LRRC40: variants seen among roughly 807,000 people sequenced by gnomAD.
LRRC40 encodes the protein leucine-rich repeat-containing protein 40.
Under a neutral mutation model 72.8 loss-of-function variants are expected in LRRC40, and 76 were observed. The ratio of observed to expected loss-of-function variants is 1.04; its 90% CI spans 0.87 to 1.26. LRRC40 has a LOEUF of 1.26. Among genes scored for constraint, LRRC40 ranks in the 50% most tolerant of loss-of-function variants. The pLI, the probability that LRRC40 is intolerant of heterozygous loss-of-function variation, is 0.00. For missense variants in LRRC40, 684 were observed against 698.9 expected (o/e 0.98, Z 0.24); for synonymous variants, 243 against 254.2 (o/e 0.96, Z 0.42).
chr1:70,196,762 C>T (rs1668620813), intron 1 of LRRC40, among the ~76,000 whole-genome samples: 1 of 152,028 alleles, frequency 6.6e-6, no homozygotes, highest in South Asian at 2.1e-4. Context: ...CAAAGGGGCA[C>T]AAGTAAACTT....
chr1:70,157,325 T>C (rs747080310), intron 10 of LRRC40, among the ~76,000 whole-genome samples: 10 of 152,228 alleles, frequency 6.6e-5, no homozygotes, highest in Non-Finnish European at 1.2e-4. Context: ...AAAAGATTCA[T>C]GCTATTTAAA....
At chr1:70,185,743 T>G (rs538487839) in intron 3 of LRRC40, among the ~76,000 whole-genome samples, 4 of 152,340 alleles carry the variant, frequency 2.6e-5, no homozygotes, top group African/African-American at 9.6e-5. Context: ...TTGAATGTAA[T>G]ATGGAATTCC....
chr1:70,195,747 C>T (rs1043292847), intron 1 of LRRC40, among the ~76,000 whole-genome samples: 5 of 152,194 alleles, frequency 3.3e-5, no homozygotes, highest in African/African-American at 1.2e-4. Context: ...GATTCTCTGC[C>T]TCAGCCTCCC....
At chr1:70,185,743 T>C (rs538487839) in intron 3 of LRRC40, among the ~76,000 whole-genome samples, 1 of 152,222 alleles carries the variant, frequency 6.6e-6, no homozygotes, top group Non-Finnish European at 1.5e-5. Context: ...TTGAATGTAA[T>C]ATGGAATTCC....
At chr1:70,202,725 A>G (rs960674433) in intron 1 of LRRC40, among the ~76,000 whole-genome samples, 1 of 152,240 alleles carries the variant, frequency 6.6e-6, no homozygotes, top group African/African-American at 2.4e-5. Context: ...CATCAATTAT[A>G]ATAAATGTAC....
At chr1:70,152,096 T>C (rs1571434508) in intron 12 of LRRC40, among the ~76,000 whole-genome samples, 1 of 152,146 alleles carries the variant, frequency 6.6e-6, no homozygotes, top group African/African-American at 2.4e-5. Context: ...GCTGGTTTTA[T>C]ACTATTTACT....
chr1:70,178,666 A>AT (rs1469574499), intron 6 of LRRC40, among the ~76,000 whole-genome samples, 185 bp downstream of exon 6: 6 of 152,178 alleles, frequency 3.9e-5, no homozygotes, highest in African/African-American at 1.4e-4. Flanking sequence ...TAAAAAATGT[A>AT]TTACTAAAAA....
intron 1 of LRRC40, among the ~76,000 whole-genome samples, chr1:70,197,591 G>A (rs534594314): frequency 1.5e-4 from 21 of 142,876 alleles, no homozygotes; most frequent in Non-Finnish European, 2.4e-4. Context: ...CCCAACCCCC[G>A]GCTTTTTTTT....
intron 7 of LRRC40, 49 bp downstream of exon 7, chr1:70,175,761 T>C (rs1229753404): frequency 7.6e-7 from 1 of 1,311,330 alleles, no homozygotes; most frequent in Non-Finnish European, 1.0e-6. Flanking sequence ...AATTATGAAT[T>C]ATAACCAAAT....
intron 1 of LRRC40, among the ~76,000 whole-genome samples, chr1:70,198,931 G>T (rs567102807): frequency 3.9e-4 from 59 of 152,024 alleles, no homozygotes; most frequent in African/African-American, 1.4e-3. Flanking sequence ...TGGACAGGTC[G>T]CTTGAGCTCA....
At chr1:70,195,751 G>A (rs1381816880) in intron 1 of LRRC40, among the ~76,000 whole-genome samples, 1 of 152,160 alleles carries the variant, frequency 6.6e-6, no homozygotes, top group Non-Finnish European at 1.5e-5. Context: ...CTCTGCCTCA[G>A]CCTCCCGAGC....
At chr1:70,180,977 T>C (rs1668231520) in intron 5 of LRRC40, 109 bp downstream of exon 5, 1 of 761,640 alleles carries the variant, frequency 1.3e-6, no homozygotes, top group African/African-American at 1.8e-5. Context: ...CATTTACCAC[T>C]ATAAAAATCT....
chr1:70,159,011 T>G (rs1369507239), intron 10 of LRRC40, among the ~76,000 whole-genome samples: 1 of 152,158 alleles, frequency 6.6e-6, no homozygotes, highest in Admixed American at 6.5e-5. Context: ...ATCCTTCTAT[T>G]TTTATTATAC....
rs191434532 is a variant in LRRC40, at chr1:70,187,256, A to T, written c.407+9T>A. ...GGCAATAATATAAGTAAATAAGCTT[A>T]ATTTTTACCTGACATTAAGTTTCTG... On this transcript the variant is annotated intron_variant, in intron 3 of 14. Transcript: ENST00000370952. The T allele has an allele frequency of 2.4e-4, 338 of 1,433,670 alleles. 1 individual carries two copies. In the African/African-American group the frequency reaches 3.9e-3, roughly 17 times the overall value. The allele number at this position is 1,433,670 out of a possible 1,614,324, so 88.8% of individuals were successfully genotyped here.
chr1:70,170,756 G>A (rs1464694088), intron 9 of LRRC40, among the ~76,000 whole-genome samples: 2 of 152,148 alleles, frequency 1.3e-5, no homozygotes, highest in Non-Finnish European at 2.9e-5. Context: ...CTCATGAATG[G>A]AAGACTTAAT....
chr1:70,189,528 C>T (rs1668446601), intron 1 of LRRC40, among the ~76,000 whole-genome samples: 1 of 152,108 alleles, frequency 6.6e-6, no homozygotes, highest in African/African-American at 2.4e-5. Context: ...ACTATATTTA[C>T]TAGGTTTACA....
At chr1:70,182,406 T>C (rs1215422048) in intron 4 of LRRC40, among the ~76,000 whole-genome samples, 2 of 152,062 alleles carry the variant, frequency 1.3e-5, no homozygotes, top group African/African-American at 2.4e-5. Flanking sequence ...AGTGTTCCTG[T>C]GGTTATATCA....
chr1:70,162,897 T>C (rs1667795018), intron 9 of LRRC40, among the ~76,000 whole-genome samples: 1 of 152,184 alleles, frequency 6.6e-6, no homozygotes, highest in South Asian at 2.1e-4. Context: ...TGGCATAAAT[T>C]ATTTTATGCC....
intron 5 of LRRC40, among the ~76,000 whole-genome samples, chr1:70,179,576 T>C (rs990336277): frequency 2.6e-5 from 4 of 152,212 alleles, no homozygotes; most frequent in African/African-American, 9.6e-5. Context: ...AGTATCATTG[T>C]CATGGCTGAG....
Sources: allele counts gnomAD v4.1 joint callset (sites outside exome capture counted in the v4.1 genomes callset), GRCh38; gene constraint gnomAD v4.1.1; transcripts MANE v1.5; gene names NCBI Gene and HGNC (gene_info 2026-07-23, HGNC 2026-07-21).